BAALC: variants seen among roughly 807,000 people sequenced by gnomAD.
The protein encoded by BAALC is brain and acute leukemia cytoplasmic protein.
BAALC carries 9 observed loss-of-function variants against 15.5 expected under a neutral mutation model. The ratio of observed to expected loss-of-function variants is 0.58; its 90% CI spans 0.35 to 1.02. BAALC has a LOEUF of 1.02. BAALC is among the 50% of genes least tolerant of loss of function. BAALC has a pLI of 0.02. For synonymous variants in BAALC, 80 were observed against 74.6 expected, an observed-to-expected ratio of 1.07 and a Z score of -0.37; for missense variants, 201 against 192.4, an observed-to-expected ratio of 1.04 and a Z score of -0.27.
At chr8:103,158,330 TA>T (rs1811145198) in intron 1 of BAALC, among the ~76,000 whole-genome samples, 2 of 152,220 alleles carry the variant, frequency 1.3e-5, no homozygotes, top group Non-Finnish European at 2.9e-5. Context: ...CAATGTATTG[TA>T]TAGAGTAGTT....
intron 1 of BAALC, among the ~76,000 whole-genome samples, chr8:103,194,696 C>T (rs1214570629): frequency 2.0e-5 from 3 of 152,090 alleles, no homozygotes; most frequent in Admixed American, 6.6e-5. Flanking sequence ...CTGGAAAGTC[C>T]AAGACCAAGG....
Position 103,141,045 on chromosome 8 carries a change from G to C in BAALC, c.148G>C (p.Gly50Arg). The change falls in exon 1 of 3, where the codon GGC becomes CGC. Residue 50 changes from glycine to arginine, a missense_variant. Transcript: ENST00000309982. ...AAPDSGPEAG[G>R]LHSGMLEDGL... ...CCCGGACAGCGGCCCCGAAGCGGGC[G>C]GCCTGCACTCGGGTAAGTGGCCGGG... 1 of 1,499,264 alleles carries C rather than the reference G, an allele frequency of 6.7e-7. No individual in the cohort carries two copies. The highest frequency in any genetic ancestry group is 8.9e-7 in the Non-Finnish European group (1 of 1,124,210). The allele number at this position is 1,499,264 out of a possible 1,614,324, so 92.9% of individuals were successfully genotyped here. A position where few individuals can be genotyped will look rare whatever the true frequency, so the allele number is the denominator to read the frequency against.
At chr8:103,197,998 C>T in intron 1 of BAALC, 4 of 583,100 alleles carry the variant, frequency 6.9e-6, no homozygotes, top group Non-Finnish European at 1.2e-5. Flanking sequence ...CTCAAGAATC[C>T]TCTGCTCTGT....
Position 103,181,479 on chromosome 8 carries a change from A to T in BAALC, c.161-31440A>T, listed in dbSNP as rs1032950874. Among the ~76,000 whole-genome samples, 6 of 151,980 alleles carry T rather than the reference A, an allele frequency of 3.9e-5. No individual in the cohort carries two copies. The South Asian group carries it at 8.3e-4, about 21-fold the overall frequency. ...GTAGAGATGGGGGTTTCACCATGTT[A>T]GCCAGGATGGTCTCGATCTCCTGAC... On this transcript the variant is annotated intron_variant, in intron 1 of 2. Transcript: ENST00000309982.
chr8:103,152,179 A>T (rs924531612), intron 1 of BAALC, among the ~76,000 whole-genome samples: 2 of 152,102 alleles, frequency 1.3e-5, no homozygotes, highest in African/African-American at 4.8e-5. Flanking sequence ...GTAGAATAAA[A>T]TCCCAGTCCC....
intron 1 of BAALC, chr8:103,141,291 A>T (rs186998070): frequency 1.5e-5 from 7 of 474,004 alleles, no homozygotes; most frequent in Non-Finnish European, 2.5e-5. Context: ...CAGCAGCCCA[A>T]TGCTCTTTGG....
At chr8:103,197,570 C>T (rs1812123176) in intron 1 of BAALC, among the ~76,000 whole-genome samples, 1 of 152,080 alleles carries the variant, frequency 6.6e-6, no homozygotes, top group South Asian at 2.1e-4. Context: ...TCTTGTGTTG[C>T]TATAAAGAAG....
intron 1 of BAALC, among the ~76,000 whole-genome samples, chr8:103,159,724 G>A (rs116888904): frequency 6.6e-6 from 1 of 152,016 alleles, no homozygotes; most frequent in East Asian, 1.9e-4. Flanking sequence ...TTCTGGTATG[G>A]TATGTTTTTC....
At chr8:103,166,053 T>C (rs2129923130) in intron 1 of BAALC, 1 of 152,654 alleles carries the variant, frequency 6.6e-6, no homozygotes, top group Non-Finnish European at 1.5e-5. Context: ...CAGGTCTAAG[T>C]ATCATTCAAG....
At chr8:103,165,848 A>G (rs1811333863) in intron 1 of BAALC, 2 of 152,184 alleles carry the variant, frequency 1.3e-5, no homozygotes, top group African/African-American at 4.8e-5. Context: ...CAGTTCTCCT[A>G]TAAAATACAC....
chr8:103,140,961 G>A lies in BAALC; in HGVS notation c.64G>A (p.Glu22Lys). Residue 22 changes from glutamate (E) to lysine (K), a missense_variant, in exon 1 of 3, where the codon GAG becomes AAG. Coordinates refer to ENST00000309982, the MANE Select transcript of BAALC (RefSeq NM_024812.3). The surrounding 1 kb of genome is among the most constrained non-coding windows in gnomAD (Gnocchi z 4.2). The part of the protein sequence containing the change: ...EPRYYESWTR[E>K]TESTWLTYTD... ...CCGCTACTACGAGAGCTGGACCCGG[G>A]AGACAGAATCCACCTGGCTCACCTA... The A allele has an allele frequency of 2.6e-6, 4 of 1,542,022 alleles. No homozygotes were observed. The highest frequency in any genetic ancestry group is 3.5e-6 in the Non-Finnish European group (4 of 1,145,334).
intron 1 of BAALC, among the ~76,000 whole-genome samples, chr8:103,201,257 C>T (rs1469150733): frequency 2.6e-5 from 4 of 152,164 alleles, no homozygotes; most frequent in African/African-American, 7.2e-5. Context: ...GTCAGCAACT[C>T]TTCCTGAGTA....
chr8:103,216,358 G>A (rs1311185349), intron 2 of BAALC, among the ~76,000 whole-genome samples: 1 of 152,186 alleles, frequency 6.6e-6, no homozygotes, highest in Admixed American at 6.5e-5. Context: ...AAGTGGTTAT[G>A]CTGCTTTATA....
intron 1 of BAALC, among the ~76,000 whole-genome samples, chr8:103,204,704 T>A (rs760530275): frequency 1.3e-5 from 2 of 152,330 alleles, no homozygotes; most frequent in Admixed American, 6.5e-5. Context: ...TTGGCACCAT[T>A]GTCCAGAAAA....
chr8:103,226,195 G>A (rs1812803858), intron 2 of BAALC, among the ~76,000 whole-genome samples: 1 of 152,192 alleles, frequency 6.6e-6, no homozygotes, highest in Admixed American at 6.5e-5. Context: ...CAACGCCTGT[G>A]GAAAGGGATG....
rs964149647 is a variant in BAALC at position 103,141,163 on chromosome 8, G to C, written c.160+106G>C. ...TCCCTGAGGAATTGATGGCGCGGCG[G>C]GGGTGGCTGGGAGGAAGCAGAGGCA... On this transcript the variant is annotated intron_variant, in intron 1 of 2. Coordinates refer to ENST00000309982, the MANE Select transcript of BAALC (RefSeq NM_024812.3). The C allele has an allele frequency of 1.4e-5, 18 of 1,279,956 alleles. No homozygotes were observed. The Admixed American group carries it at 2.4e-4, about 17-fold the overall frequency. 79.3% of individuals were successfully genotyped at this position (1,279,956 alleles called of 1,614,324 possible).
At chr8:103,180,029 T>G (rs1811691322) in intron 1 of BAALC, among the ~76,000 whole-genome samples, 1 of 152,204 alleles carries the variant, frequency 6.6e-6, no homozygotes, top group South Asian at 2.1e-4. Flanking sequence ...AGTGCAGGCC[T>G]GGGCCAGGTT....
intron 1 of BAALC, chr8:103,197,992 A>G (rs1586422996): frequency 1.8e-6 from 1 of 562,086 alleles, no homozygotes; most frequent in East Asian, 3.1e-5. Flanking sequence ...ACATTGCTCA[A>G]GAATCCTCTG....
intron 1 of BAALC, among the ~76,000 whole-genome samples, chr8:103,171,350 GAGCA>G (rs1254223136): frequency 1.8e-4 from 26 of 140,960 alleles, no homozygotes; most frequent in African/African-American, 6.6e-4. Flanking sequence ...AAGGAGGAAA[GAGCA>G]AGGAAGGAAG....
Sources: gnomAD v4.1 joint callset for allele counts (sites outside exome capture counted in the v4.1 genomes callset) on GRCh38, gnomAD v4.1.1 for gene constraint, Gnocchi (gnomAD v3.1) non-coding constraint, MANE v1.5 for transcripts, NCBI Gene and HGNC (gene_info 2026-07-23, HGNC 2026-07-21) for gene names.